ABLIM1: variants seen among roughly 807,000 people sequenced by gnomAD.
The protein encoded by ABLIM1 is actin binding LIM protein 1, also known as actin-binding LIM protein 1.
Under a neutral mutation model 107.0 loss-of-function variants are expected in ABLIM1, and 40 were observed. The ratio of observed to expected loss-of-function variants is 0.37; its 90% CI spans 0.29 to 0.49. The LOEUF (loss-of-function observed/expected upper bound fraction) is 0.49. Among genes scored for constraint, ABLIM1 ranks in the 20% least tolerant of loss-of-function variants. ABLIM1 has a pLI of 0.97. For synonymous variants in ABLIM1, 357 were observed against 357.3 expected, an observed-to-expected ratio of 1.00 and a Z score of 0.01; for missense variants, 857 against 1,008.5, an observed-to-expected ratio of 0.85 and a Z score of 2.04.
At chr10:114,512,297 C>T (rs1331522552) in intron 6 of ABLIM1, among the ~76,000 whole-genome samples, 1 of 152,208 alleles carries the variant, frequency 6.6e-6, no homozygotes, top group Non-Finnish European at 1.5e-5. Context: ...CTTATTCACT[C>T]GTGACATGCT....
chr10:114,625,748 G>T (rs182735233), intron 1 of ABLIM1, among the ~76,000 whole-genome samples: 12 of 152,248 alleles, frequency 7.9e-5, no homozygotes, highest in African/African-American at 2.9e-4. Flanking sequence ...GGCTCAGGGT[G>T]GACATTAGCA....
chr10:114,536,912 C>G (rs1270582455), intron 6 of ABLIM1, among the ~76,000 whole-genome samples: 1 of 152,140 alleles, frequency 6.6e-6, no homozygotes, highest in Non-Finnish European at 1.5e-5. Flanking sequence ...ACAGATGCTT[C>G]AAGGAGGCCA....
chr10:114,530,910 G>A (rs72826986), intron 6 of ABLIM1, among the ~76,000 whole-genome samples: 29,037 of 152,212 alleles, frequency 0.19, 2,954 homozygotes, highest in Middle Eastern at 0.3. Flanking sequence ...TTTGGTTAAA[G>A]GACATGGCAA....
chr10:114,744,018 T>C (rs1186481390), intron 1 of ABLIM1, among the ~76,000 whole-genome samples: 1 of 152,152 alleles, frequency 6.6e-6, no homozygotes, highest in Non-Finnish European at 1.5e-5. Context: ...CAGCCTGTAA[T>C]GGCAGCCTAA....
At chr10:114,607,112 G>C (rs1022816156) in intron 1 of ABLIM1, among the ~76,000 whole-genome samples, 1 of 152,150 alleles carries the variant, frequency 6.6e-6, no homozygotes, top group Non-Finnish European at 1.5e-5. Context: ...CACCAGGCTG[G>C]AATGCAGTGG....
chr10:114,791,440 C>A, the ABLIM1 span, among the ~76,000 whole-genome samples: 25 of 152,032 alleles, frequency 1.6e-4, no homozygotes, highest in African/African-American at 5.8e-4. Flanking sequence ...AGATCGAGAC[C>A]ATCCTGGCTA....
chr10:114,664,523 T>G (rs1283963130), intron 1 of ABLIM1, among the ~76,000 whole-genome samples: 3 of 152,120 alleles, frequency 2.0e-5, no homozygotes, highest in African/African-American at 7.2e-5. Context: ...TTTTTAACGT[T>G]TCTCTTTTTT....
chr10:114,530,110 T>C (rs1228688432), intron 6 of ABLIM1, among the ~76,000 whole-genome samples: 2 of 152,176 alleles, frequency 1.3e-5, no homozygotes, highest in Non-Finnish European at 1.5e-5. Context: ...AGTAGGATTG[T>C]GATGATGGTT....
chr10:114,441,803 TA>T lies in ABLIM1; in HGVS notation c.1934-18del. The T allele has an allele frequency of 6.2e-7, 1 of 1,606,328 alleles. No individual in the cohort carries two copies. The highest frequency in any genetic ancestry group is 1.1e-5 in the South Asian group (1 of 90,872). ...TATGTGAAGCTGAGTAAGAAAAAAG[TA>T]AAAAACCAATTGTTAGGAAATCAGA... On this transcript the variant is annotated intron_variant, in intron 17 of 22. Coordinates refer to ENST00000533213, the MANE Select transcript of ABLIM1 (RefSeq NM_002313.7).
chr10:114,523,249 C>T (rs528920606), intron 6 of ABLIM1, among the ~76,000 whole-genome samples: 5 of 152,134 alleles, frequency 3.3e-5, no homozygotes, highest in East Asian at 3.9e-4. Flanking sequence ...TCTCTCACTA[C>T]GGCATCTTTA....
chr10:114,528,370 CAT>C (rs2065088446), intron 6 of ABLIM1, among the ~76,000 whole-genome samples: 1 of 152,156 alleles, frequency 6.6e-6, no homozygotes, highest in Admixed American at 6.5e-5. Flanking sequence ...TTTATATAGA[CAT>C]GTGGAATCTC....
At chr10:114,550,353 C>T (rs1234703949) in intron 4 of ABLIM1, among the ~76,000 whole-genome samples, 1 of 148,328 alleles carries the variant, frequency 6.7e-6, no homozygotes, top group Non-Finnish European at 1.5e-5. Context: ...TTTAGGAGCA[C>T]AGTATGGATG....
At chr10:114,468,800 C>G (rs1353794861) in intron 10 of ABLIM1, among the ~76,000 whole-genome samples, 1 of 151,620 alleles carries the variant, frequency 6.6e-6, no homozygotes, top group Admixed American at 6.6e-5. Context: ...GTCTGTAATC[C>G]CAGCACTTTG....
chr10:114,514,466 C>T (rs114045674), intron 6 of ABLIM1, among the ~76,000 whole-genome samples: 13 of 152,060 alleles, frequency 8.5e-5, no homozygotes, highest in African/African-American at 3.1e-4. Context: ...CTCGACCACC[C>T]GGGCTCAGTG....
intron 11 of ABLIM1, 82 bp from the exon 12 acceptor site, chr10:114,465,909 C>G: frequency 6.8e-7 from 1 of 1,470,710 alleles, no homozygotes; most frequent in Non-Finnish European, 9.3e-7. Flanking sequence ...AAGGAACCAT[C>G]ATGTCTACTT....
At chr10:114,526,331 T>C (rs1565825148) in intron 6 of ABLIM1, among the ~76,000 whole-genome samples, 1 of 152,204 alleles carries the variant, frequency 6.6e-6, no homozygotes, top group Non-Finnish European at 1.5e-5. Flanking sequence ...CCTTTCAATC[T>C]TGCGGGTAGC....
chr10:114,494,323 A>T (rs2059398502), intron 6 of ABLIM1, among the ~76,000 whole-genome samples: 1 of 152,236 alleles, frequency 6.6e-6, no homozygotes, highest in Non-Finnish European at 1.5e-5. Context: ...ACTTGAGCCC[A>T]GGAGTTCAAA....
the ABLIM1 span, among the ~76,000 whole-genome samples, chr10:114,792,046 T>C: frequency 2.6e-5 from 4 of 152,184 alleles, no homozygotes; most frequent in African/African-American, 9.7e-5. Flanking sequence ...CTTGGCTGGG[T>C]ACAGTGGCTC....
At chr10:114,560,798 C>T (rs148347843) in intron 4 of ABLIM1, among the ~76,000 whole-genome samples, 437 of 152,262 alleles carry the variant, frequency 2.9e-3, no homozygotes, top group African/African-American at 1.0e-2. Flanking sequence ...TAGTGTATAA[C>T]TCCATTAATA....
Sources: gnomAD v4.1 joint callset for allele counts (sites outside exome capture counted in the v4.1 genomes callset) on GRCh38, gnomAD v4.1.1 for gene constraint, MANE v1.5 for transcripts, NCBI Gene and HGNC (gene_info 2026-07-23, HGNC 2026-07-21) for gene names.